NPHS2: variants seen among roughly 807,000 people sequenced by gnomAD.
NPHS2 encodes podocin.
NPHS2 carries 36 observed loss-of-function variants against 37.1 expected under a neutral mutation model. That is an observed-to-expected ratio of 0.97 (90% CI 0.74 to 1.28). The LOEUF is 1.28. NPHS2 is among the 50% of genes most tolerant of loss of function. The probability of loss-of-function intolerance (pLI) is 0.00; values close to 1 mark genes in which losing one functional copy is unlikely to be tolerated. For synonymous variants in NPHS2, 196 were observed against 189.3 expected, an observed-to-expected ratio of 1.04 and a Z score of -0.29; for missense variants, 447 against 488.1, an observed-to-expected ratio of 0.92 and a Z score of 0.79.
At position 179,561,458 on chromosome 1, in the gene NPHS2, G is replaced by A. The variant is rs1572282609; in HGVS notation, c.379-97C>T. ...TGATCCTAGATATCAGAAATTTTTT[G>A]TTTTGAGAACCAGGAAAAAATTTCT... On this transcript the variant is annotated intron_variant, in intron 2 of 7. Transcript: ENST00000367615. The A allele has an allele frequency of 4.2e-6, 4 of 941,814 alleles. No homozygotes were observed. The Admixed American group carries it at 8.8e-5, about 21-fold the overall frequency. 58.3% of individuals were successfully genotyped at this position (941,814 alleles called of 1,614,324 possible). A position where few individuals can be genotyped will look rare whatever the true frequency, so the allele number is the denominator to read the frequency against.
intron 1 of NPHS2, among the ~76,000 whole-genome samples, chr1:179,572,380 T>C (rs1010248221): frequency 5.9e-5 from 9 of 152,196 alleles, no homozygotes; most frequent in African/African-American, 1.9e-4. Flanking sequence ...CCTACTAATA[T>C]GTATAAAAAA....
intron 1 of NPHS2, 81 bp from the exon 2 acceptor site, chr1:179,564,874 G>C (rs1674278253): frequency 8.7e-7 from 1 of 1,143,692 alleles, no homozygotes; most frequent in Admixed American, 2.0e-5. Flanking sequence ...TCCAATTCTT[G>C]GTATTGGAGT....
intron 1 of NPHS2, among the ~76,000 whole-genome samples, chr1:179,571,144 G>A (rs754042204): frequency 2.6e-5 from 4 of 152,146 alleles, no homozygotes; most frequent in Non-Finnish European, 4.4e-5. Context: ...TAGAAGAGGC[G>A]CTCTGATTTT....
intron 1 of NPHS2, among the ~76,000 whole-genome samples, chr1:179,568,442 CT>C (rs571687900): frequency 5.9e-5 from 9 of 152,128 alleles, no homozygotes; most frequent in Non-Finnish European, 1.0e-4. Context: ...AATCTACTCT[CT>C]TTTCTTCTTT....
chr1:179,575,619 C>A lies in NPHS2; in HGVS notation c.246G>T (p.Ala82=). The A allele has an allele frequency of 6.2e-7, 1 of 1,603,258 alleles. No homozygotes were observed. Among genetic ancestry groups the A allele is most frequent in the Admixed American group, 1.7e-5 (1 of 60,026 alleles). The change falls in exon 1 of 8, where the codon GCG becomes GCT. Residue 82 remains alanine (A), a synonymous_variant. Transcript: ENST00000367615. The part of the protein sequence containing the change: ...GSGEEGTEVV[A]LLESERPEEG... ...CCTCGGGCCGCTCGCTCTCCAACAG[C>A]GCCACCACCTCGGTGCCCTCCTCGC...
chr1:179,558,189 A>T (rs183366670), intron 4 of NPHS2, among the ~76,000 whole-genome samples: 1 of 152,060 alleles, frequency 6.6e-6, no homozygotes, highest in South Asian at 2.1e-4. Context: ...TAACTCTTTC[A>T]TCTTGTAAAA....
intron 1 of NPHS2, among the ~76,000 whole-genome samples, chr1:179,571,917 C>G (rs1264957659): frequency 6.6e-6 from 1 of 152,194 alleles, no homozygotes; most frequent in African/African-American, 2.4e-5. Context: ...TTGCTAAGAG[C>G]TTGGGAAAAG....
rs779736229 is a variant in NPHS2, at chr1:179,557,134, A to T, written c.631T>A (p.Ser211Thr). 3 of 1,614,108 alleles carry T rather than the reference A, an allele frequency of 1.9e-6. No homozygotes were observed. Among genetic ancestry groups the T allele is most frequent in the Non-Finnish European group, 2.5e-6 (3 of 1,179,968 alleles). The change falls in exon 5 of 8, where the codon TCT (serine) becomes ACT (threonine). Residue 211 changes from serine to threonine, a missense_variant. By Grantham distance (58) the Ser-to-Thr change is moderately conservative (BLOSUM62 1). Coordinates refer to ENST00000367615, the MANE Select transcript of NPHS2 (RefSeq NM_014625.4). ...TGCACAAGGAATTGCACAGCTTTAG[A>T]TACATGAGCAAGACTGCTTAGGAGA... ...SLLLSSLAHVSKAVQFLVQTT... is the reference protein window; with the variant it reads ...SLLLSSLAHVTKAVQFLVQTT...
chr1:179,554,404 A>G (rs1673769278), intron 6 of NPHS2, 72 bp downstream of exon 6: 4 of 1,587,130 alleles, frequency 2.5e-6, no homozygotes, highest in Admixed American at 3.4e-5. Flanking sequence ...AATTTTTCAA[A>G]TGAAAAATTT....
At chr1:179,560,101 G>T (rs1389756999) in intron 3 of NPHS2, among the ~76,000 whole-genome samples, 2 of 152,078 alleles carry the variant, frequency 1.3e-5, no homozygotes, top group African/African-American at 4.8e-5. Context: ...GTTAGCCTTA[G>T]TGTCTGACTT....
intron 1 of NPHS2, among the ~76,000 whole-genome samples, chr1:179,565,290 A>G (rs1674291709): frequency 6.6e-6 from 1 of 152,124 alleles, no homozygotes; most frequent in African/African-American, 2.4e-5. Flanking sequence ...AAAATAAAAA[A>G]GAAAGGGAGT....
intron 1 of NPHS2, among the ~76,000 whole-genome samples, chr1:179,565,120 A>G (rs1347922992): frequency 6.6e-6 from 1 of 152,056 alleles, no homozygotes; most frequent in Non-Finnish European, 1.5e-5. Context: ...AAAAAAAATT[A>G]AAAACTAGCT....
chr1:179,565,401 C>T (rs1215525034), intron 1 of NPHS2, among the ~76,000 whole-genome samples: 1 of 152,176 alleles, frequency 6.6e-6, no homozygotes, highest in African/African-American at 2.4e-5. Context: ...AGGCGTATGA[C>T]CTTTTCACGC....
chr1:179,563,138 A>G (rs1376266831), intron 2 of NPHS2, among the ~76,000 whole-genome samples: 1 of 152,250 alleles, frequency 6.6e-6, no homozygotes, highest in Non-Finnish European at 1.5e-5. Context: ...AAGATATACC[A>G]TATGAACAGT....
intron 3 of NPHS2, 143 bp downstream of exon 3, chr1:179,561,146 C>A: frequency 2.6e-6 from 2 of 769,746 alleles, no homozygotes; most frequent in Admixed American, 3.6e-5. Context: ...TTTGAATAAC[C>A]TATAAGTAAC....
intron 4 of NPHS2, among the ~76,000 whole-genome samples, chr1:179,558,498 G>A (rs186532147): frequency 4.6e-5 from 7 of 152,176 alleles, no homozygotes; most frequent in Admixed American, 3.9e-4. Context: ...AGACACTTGG[G>A]TTGCTTCTTC....
intron 1 of NPHS2, among the ~76,000 whole-genome samples, chr1:179,573,065 C>G (rs1041865157): frequency 6.6e-6 from 1 of 152,108 alleles, no homozygotes; most frequent in Non-Finnish European, 1.5e-5. Flanking sequence ...CTCCAAGCCT[C>G]AAGTGATCCT....
chr1:179,560,117 C>T (rs1265556435), intron 3 of NPHS2, among the ~76,000 whole-genome samples: 1 of 151,978 alleles, frequency 6.6e-6, no homozygotes, highest in African/African-American at 2.4e-5. Flanking sequence ...GACTTAGTGC[C>T]TTTTAGGTGC....
In NPHS2 at chr1:179,556,119, G is replaced by C. The variant is rs1673913162; in HGVS notation, c.738+908C>G. Among the ~76,000 whole-genome samples the C allele has an allele frequency of 1.3e-5, 2 of 152,182 alleles. No individual in the cohort carries two copies. Among genetic ancestry groups the C allele is most frequent in the African/African-American group, 4.8e-5 (2 of 41,448 alleles). The stretch of plus-strand genomic sequence containing the variant: ...GGCAAGCTTGAATGTCAAGTGTCTG[G>C]ACTTTATCCTTTAAAGGAGAAGGAT... On this transcript the variant is annotated intron_variant, in intron 5 of 7. Transcript: ENST00000367615. The surrounding 1 kb of genome is among the most constrained non-coding windows in gnomAD (Gnocchi z 4.1).
Sources: allele counts gnomAD v4.1 joint callset (sites outside exome capture counted in the v4.1 genomes callset), GRCh38; gene constraint gnomAD v4.1.1; non-coding constraint Gnocchi (gnomAD v3.1); transcripts MANE v1.5; gene names NCBI Gene and HGNC (gene_info 2026-07-23, HGNC 2026-07-21).